Variants in KCNQ4 observed in about 807,000 individuals in gnomAD.
The protein encoded by KCNQ4 is potassium voltage-gated channel subfamily Q member 4, also known as potassium voltage-gated channel subfamily KQT member 4.
A neutral mutation model predicts 72.6 loss-of-function variants in KCNQ4; 31 were observed. The observed-to-expected ratio is 0.43, with a 90% CI of 0.32 to 0.58. The LOEUF is 0.58. KCNQ4 is among the 20% of genes least tolerant of loss of function. KCNQ4 has a pLI of 0.08. For missense variants in KCNQ4, 869 were observed against 962.6 expected (o/e 0.90, Z 1.29); for synonymous variants, 405 against 403.7 (o/e 1.00, Z -0.04).
rs939162739 is a variant in KCNQ4, at chr1:40,839,815, C to CT, written c.*1293dup. The CT allele has an allele frequency of 6.6e-6, 1 of 152,316 alleles. No individual in the cohort carries two copies. Among genetic ancestry groups the CT allele is most frequent in the African/African-American group, 2.4e-5 (1 of 41,458 alleles). 9.4% of individuals were successfully genotyped at this position (152,316 alleles called of 1,614,324 possible). ...CCAGGCCTGTGCCTTCCTAGTCACT[C>CT]TAACTCCCAGAGAGAATAAGAATGC... On this transcript the variant is annotated 3_prime_UTR_variant, in exon 14 of 14. Transcript: ENST00000347132.
intron 10 of KCNQ4, among the ~76,000 whole-genome samples, 194 bp downstream of exon 10, chr1:40,831,498 G>C (rs1449677472): frequency 6.6e-6 from 1 of 152,210 alleles, no homozygotes; most frequent in Non-Finnish European, 1.5e-5. Context: ...ACATCAGACT[G>C]TTTGGGAATC....
intron 10 of KCNQ4, among the ~76,000 whole-genome samples, chr1:40,831,903 G>A (rs938065453): frequency 1.3e-5 from 2 of 152,208 alleles, no homozygotes; most frequent in African/African-American, 4.8e-5. Flanking sequence ...ACAGACGTGG[G>A]CACTGAGATC....
intron 12 of KCNQ4, among the ~76,000 whole-genome samples, chr1:40,836,491 G>A (rs1271594908): frequency 6.6e-6 from 1 of 152,148 alleles, no homozygotes; most frequent in East Asian, 1.9e-4. Flanking sequence ...AGTACAGGAT[G>A]GAGATGAAGA....
chr1:40,791,637 T>C (rs1647285632), intron 1 of KCNQ4, among the ~76,000 whole-genome samples: 1 of 152,044 alleles, frequency 6.6e-6, no homozygotes, highest in Non-Finnish European at 1.5e-5. Flanking sequence ...AGCGATTCCC[T>C]CCCTCCTCAC....
intron 1 of KCNQ4, among the ~76,000 whole-genome samples, chr1:40,802,857 G>A (rs889449573): frequency 7.2e-5 from 11 of 152,354 alleles, no homozygotes; most frequent in African/African-American, 2.2e-4. Flanking sequence ...GAAAGACGAA[G>A]AAACTGAGTC....
chr1:40,789,426 GA>G (rs1647239496), intron 1 of KCNQ4, among the ~76,000 whole-genome samples: 1 of 152,160 alleles, frequency 6.6e-6, no homozygotes, highest in Non-Finnish European at 1.5e-5. Flanking sequence ...TTGTGATTGG[GA>G]AAGTCTTTGA....
intron 12 of KCNQ4, among the ~76,000 whole-genome samples, chr1:40,835,745 A>G (rs1420304409): frequency 6.6e-6 from 1 of 152,278 alleles, no homozygotes; most frequent in African/African-American, 2.4e-5. Context: ...AATATGTCAG[A>G]CAACGATAAA....
Position 40,784,448 on chromosome 1 carries a change from A to C in KCNQ4, c.314+41A>C. The stretch of plus-strand genomic sequence containing the variant: ...CGCGCCCTTCCGCGTTTCCCCGCGC[A>C]AGCCTGGCCTCCCGGGGCACGGCCG... On this transcript the variant is annotated intron_variant, in intron 1 of 13. Transcript: ENST00000347132. The surrounding 1 kb of genome is among the most constrained non-coding windows in gnomAD (Gnocchi z 4.1). 7 of 1,588,544 alleles carry C rather than the reference A, an allele frequency of 4.4e-6. No individual in the cohort carries two copies. In the South Asian group the frequency reaches 7.7e-5, roughly 17 times the overall value.
chr1:40,820,124 C>G (rs1022383238), intron 6 of KCNQ4, 41 bp from the exon 7 acceptor site: 3 of 1,568,426 alleles, frequency 1.9e-6, no homozygotes, highest in Non-Finnish European at 8.7e-7. Context: ...ACTGCCCCAC[C>G]ACTGCCAGCA....
intron 12 of KCNQ4, 27 bp downstream of exon 12, chr1:40,835,125 CAG>C (rs1648773408): frequency 6.2e-7 from 1 of 1,608,418 alleles, no homozygotes; most frequent in East Asian, 2.2e-5. Context: ...TGTTGGGAGG[CAG>C]GGGCAGGGAG....
In KCNQ4 at chr1:40,838,807, T is replaced by G. The variant is rs1042295951; in HGVS notation, c.*284T>G. On this transcript the variant is annotated 3_prime_UTR_variant, in exon 14 of 14. Coordinates refer to ENST00000347132, the MANE Select transcript of KCNQ4 (RefSeq NM_004700.4). ...TGCCCTGCCCACTCCATCAAGGCCC[T>G]ATGTGGCCCACCTGGCAGGGGCACA... is the stretch of plus-strand genomic sequence containing the variant. 3 of 530,064 alleles carry G rather than the reference T, an allele frequency of 5.7e-6. No individual in the cohort carries two copies. Among genetic ancestry groups the G allele is most frequent in the Admixed American group, 3.2e-5 (1 of 31,458 alleles). The allele number at this position is 530,064 out of a possible 1,614,324, so 32.8% of individuals were successfully genotyped here.
chr1:40,784,238 G>A lies in KCNQ4; in HGVS notation c.145G>A (p.Gly49Ser), dbSNP rs1319010068. The A allele has an allele frequency of 1.5e-6, 2 of 1,344,016 alleles. No homozygotes were observed. Among genetic ancestry groups the A allele is most frequent in the African/African-American group, 1.6e-5 (1 of 63,766 alleles). The allele number at this position is 1,344,016 out of a possible 1,614,324, so 83.3% of individuals were successfully genotyped here. Residue 49 changes from glycine (G) to serine (S), a missense_variant, in exon 1 of 14, where the codon GGC becomes AGC. Coordinates refer to ENST00000347132, the MANE Select transcript of KCNQ4 (RefSeq NM_004700.4). This position sits in a 1 kb window ranked among gnomAD's most constrained non-coding sequence, Gnocchi z 4.1. Reference sequence around the variant, plus strand: ...CTCCCCGCGCCGCCTCGGCCTCCTGGGCAGCCCCCTGCCGCCGGGCGCGCC... The same window carrying A: ...CTCCCCGCGCCGCCTCGGCCTCCTGAGCAGCCCCCTGCCGCCGGGCGCGCC... ...GGSPRRLGLL[G>S]SPLPPGAPLP...
rs936552002 is a variant in KCNQ4 at position 40,822,501 on chromosome 1, A to T, written c.1130+99A>T. 33 of 995,770 alleles carry T rather than the reference A, an allele frequency of 3.3e-5. No individual in the cohort carries two copies. The African/African-American group carries it at 4.8e-4, about 14-fold the overall frequency. The allele number at this position is 995,770 out of a possible 1,614,324, so 61.7% of individuals were successfully genotyped here. On this transcript the variant is annotated intron_variant, in intron 8 of 13. Transcript: ENST00000347132. ...AACCCTGGAGGGTGGAAAGGGGGTG[A>T]TGGCTCCCAGGGGAGCACCCTGGGC...
chr1:40,825,926 G>A (rs1268627546), intron 9 of KCNQ4, among the ~76,000 whole-genome samples: 2 of 152,174 alleles, frequency 1.3e-5, no homozygotes, highest in African/African-American at 4.8e-5. Context: ...TAAGGGCTTG[G>A]CTGTCACTGA....
chr1:40,822,245 G>A, intron 7 of KCNQ4, 69 bp from the exon 8 acceptor site: 1 of 1,319,124 alleles, frequency 7.6e-7, no homozygotes, highest in South Asian at 1.2e-5. Flanking sequence ...GGTTCTTTCA[G>A]GGGAGAGGGC....
intron 1 of KCNQ4, among the ~76,000 whole-genome samples, chr1:40,803,783 C>T (rs914122268): frequency 6.6e-6 from 1 of 152,210 alleles, no homozygotes; most frequent in African/African-American, 2.4e-5. Flanking sequence ...CCAGGTGTGG[C>T]CTGTGAGTTT....
chr1:40,823,046 G>T (rs866616461), intron 8 of KCNQ4, among the ~76,000 whole-genome samples: 1 of 152,236 alleles, frequency 6.6e-6, no homozygotes, highest in African/African-American at 2.4e-5. Flanking sequence ...AGCCCAGCTC[G>T]GTCCCACGGG....
Position 40,784,226 on chromosome 1 carries a change from C to G in KCNQ4, c.133C>G (p.Leu45Val). The G allele has an allele frequency of 8.3e-7, 1 of 1,208,306 alleles. No individual in the cohort carries two copies. Among genetic ancestry groups the G allele is most frequent in the Non-Finnish European group, 1.0e-6 (1 of 976,802 alleles). The allele number at this position is 1,208,306 out of a possible 1,614,324, so 74.8% of individuals were successfully genotyped here. A position where few individuals can be genotyped will look rare whatever the true frequency, so the allele number is the denominator to read the frequency against. ...EAGGGGSPRR[L>V]GLLGSPLPPG... ...GGGCGGGGGCGGCTCCCCGCGCCGC[C>G]TCGGCCTCCTGGGCAGCCCCCTGCC... Residue 45 changes from leucine to valine, a missense_variant, in exon 1 of 14, where the codon CTC (leucine) becomes GTC (valine). Leu to Val is a conservative substitution (Grantham distance 32, BLOSUM62 1). Transcript: ENST00000347132. This position sits in a 1 kb window ranked among gnomAD's most constrained non-coding sequence, Gnocchi z 4.1.
intron 1 of KCNQ4, among the ~76,000 whole-genome samples, chr1:40,787,411 C>T (rs1647213698): frequency 6.6e-6 from 1 of 152,186 alleles, no homozygotes; most frequent in South Asian, 2.1e-4. Flanking sequence ...AAGGAGGGAG[C>T]TGGGGTGAGA....
Sources: allele counts gnomAD v4.1 joint callset (sites outside exome capture counted in the v4.1 genomes callset), GRCh38; gene constraint gnomAD v4.1.1; non-coding constraint Gnocchi (gnomAD v3.1); transcripts MANE v1.5; gene names NCBI Gene and HGNC (gene_info 2026-07-23, HGNC 2026-07-21).